NEK11: variants seen among roughly 807,000 people sequenced by gnomAD.
NEK11 encodes serine/threonine-protein kinase Nek11.
A neutral mutation model predicts 80.7 loss-of-function variants in NEK11; 72 were observed. That is an observed-to-expected ratio of 0.89 (90% CI 0.74 to 1.08). NEK11 has a LOEUF of 1.08. Among genes scored for constraint, NEK11 ranks in the 50% least tolerant of loss-of-function variants. NEK11 has a pLI of 0.00. For synonymous variants in NEK11, 251 were observed against 260.7 expected (o/e 0.96, Z 0.36); for missense variants, 764 against 763.6 (o/e 1.00, Z -0.01).
At chr3:131,029,591 C>G (rs1289689647) in intron 2 of NEK11, 22 bp from the exon 3 acceptor site, 3 of 1,009,250 alleles carry the variant, frequency 3.0e-6, no homozygotes, top group East Asian at 4.9e-5. Flanking sequence ...TAGACCTGAT[C>G]TTTTAACTTT....
At chr3:131,151,577 A>G (rs1429628302) in intron 7 of NEK11, among the ~76,000 whole-genome samples, 1 of 152,142 alleles carries the variant, frequency 6.6e-6, no homozygotes, top group Non-Finnish European at 1.5e-5. Context: ...TCAAGTGACT[A>G]ACATGAAAAG....
chr3:131,110,765 G>A (rs2079992115), intron 5 of NEK11, among the ~76,000 whole-genome samples: 1 of 152,080 alleles, frequency 6.6e-6, no homozygotes, highest in African/African-American at 2.4e-5. Context: ...TGGATGTCAG[G>A]TTGCTTAAAT....
chr3:131,316,825 C>T (rs1394012561), intron 17 of NEK11, among the ~76,000 whole-genome samples: 1 of 152,068 alleles, frequency 6.6e-6, no homozygotes, highest in Non-Finnish European at 1.5e-5. Flanking sequence ...TTGTACTTTC[C>T]TTGATTTGCA....
rs1032096499 is a variant in NEK11, at chr3:131,126,436, A to T, written c.456-6309A>T. ...CTCATCCTTTTATAATAGTTTAGCT[A>T]CTATTTCAGCTAAAAATGTATTATT... On this transcript the variant is annotated intron_variant, in intron 5 of 17. Coordinates refer to ENST00000383366, the MANE Select transcript of NEK11 (RefSeq NM_024800.5). 9.2e-5 allele frequency among the ~76,000 whole-genome samples: 14 copies of T among 152,322 alleles called. No individual in the cohort carries two copies. In the East Asian group the frequency reaches 2.3e-3, roughly 25 times the overall value.
At chr3:131,169,859 A>G (rs1348259598) in intron 13 of NEK11, among the ~76,000 whole-genome samples, 1 of 152,224 alleles carries the variant, frequency 6.6e-6, no homozygotes, top group Non-Finnish European at 1.5e-5. Context: ...GTAAAGACGT[A>G]TTTCATGTAC....
chr3:131,028,146 G>A (rs1431103174), intron 2 of NEK11, 144 bp downstream of exon 2: 1 of 152,130 alleles, frequency 6.6e-6, no homozygotes, highest in Non-Finnish European at 1.5e-5. Flanking sequence ...ACGTGTCTTT[G>A]GAAGGGAAAA....
intron 14 of NEK11, among the ~76,000 whole-genome samples, chr3:131,183,495 C>G (rs2093460479): frequency 6.6e-6 from 1 of 152,166 alleles, no homozygotes; most frequent in African/African-American, 2.4e-5. Context: ...TCCATGTGTT[C>G]TCATTGCTCA....
intron 17 of NEK11, among the ~76,000 whole-genome samples, chr3:131,343,423 A>C (rs1017345408): frequency 1.3e-5 from 2 of 152,188 alleles, no homozygotes; most frequent in Non-Finnish European, 2.9e-5. Context: ...GGCAGTTTGA[A>C]TACTGGGAAA....
At chr3:131,123,953 C>G (rs1183628271) in intron 5 of NEK11, among the ~76,000 whole-genome samples, 2 of 152,164 alleles carry the variant, frequency 1.3e-5, no homozygotes, top group Non-Finnish European at 1.5e-5. Flanking sequence ...AGCTGGTTAA[C>G]TTGGGTGGCT....
chr3:131,270,267 C>T (rs1226205758), intron 16 of NEK11, among the ~76,000 whole-genome samples: 2 of 152,188 alleles, frequency 1.3e-5, no homozygotes, highest in African/African-American at 4.8e-5. Context: ...TCATTTAGCA[C>T]TGGGCCCCAC....
intron 14 of NEK11, among the ~76,000 whole-genome samples, chr3:131,193,544 T>C (rs562222852): frequency 6.6e-6 from 1 of 152,230 alleles, no homozygotes; most frequent in African/African-American, 2.4e-5. Context: ...AATGAAGCAA[T>C]AGGAATCCAT....
At chr3:131,220,174 T>C (rs776533631) in intron 14 of NEK11, among the ~76,000 whole-genome samples, 9 of 152,196 alleles carry the variant, frequency 5.9e-5, no homozygotes, top group Non-Finnish European at 1.3e-4. Flanking sequence ...AAAATGGAGC[T>C]TCTGGGGGAA....
intron 11 of NEK11, among the ~76,000 whole-genome samples, chr3:131,163,589 G>C (rs995707207): frequency 6.6e-6 from 1 of 152,084 alleles, no homozygotes; most frequent in African/African-American, 2.4e-5. Context: ...GGGCAGGGGG[G>C]CATGAATGGG....
In NEK11 at chr3:131,273,511, T is replaced by C; in HGVS notation, c.1655T>C (p.Met552Thr). 2 of 1,614,012 alleles carry C rather than the reference T, an allele frequency of 1.2e-6. No homozygotes were observed. The highest frequency in any genetic ancestry group is 1.7e-6 in the Non-Finnish European group (2 of 1,179,910). ...TKTITTMAED[M>T]SPGPPIFNSV... is the part of the protein sequence containing the mutation. ...ACCATCACCACCATGGCTGAAGACA[T>C]GTCCCCAGGACCACCAATTTTCAAC... The change falls in exon 17 of 18, where the codon ATG (methionine) becomes ACG (threonine). Residue 552 changes from methionine (M) to threonine (T), a missense_variant. By Grantham distance (81) the Met-to-Thr change is moderately conservative. Transcript: ENST00000383366.
At chr3:131,283,139 G>A (rs180886431) in intron 17 of NEK11, among the ~76,000 whole-genome samples, 12 of 152,322 alleles carry the variant, frequency 7.9e-5, no homozygotes, top group African/African-American at 2.6e-4. Context: ...AAATAGAAGT[G>A]TAGTTAATTC....
chr3:131,083,906 G>T (rs2075641901), intron 4 of NEK11, among the ~76,000 whole-genome samples: 1 of 152,134 alleles, frequency 6.6e-6, no homozygotes. Context: ...CCTCCATGTA[G>T]GAAGGAAATG....
chr3:131,177,920 A>G (rs943627113), intron 14 of NEK11, among the ~76,000 whole-genome samples: 3 of 152,224 alleles, frequency 2.0e-5, no homozygotes, highest in Admixed American at 2.0e-4. Flanking sequence ...AGCAAACATC[A>G]GAGAGTATAC....
At chr3:131,285,408 G>A (rs935612999) in intron 17 of NEK11, among the ~76,000 whole-genome samples, 5 of 152,180 alleles carry the variant, frequency 3.3e-5, no homozygotes, top group East Asian at 1.9e-4. Flanking sequence ...AGAGCCCTGC[G>A]TCTACCAGTC....
intron 14 of NEK11, chr3:131,175,226 C>A: frequency 1.8e-6 from 1 of 562,614 alleles, no homozygotes; most frequent in Non-Finnish European, 2.3e-6. Flanking sequence ...TGAAAGAAAA[C>A]CTTTACTCAC....
Sources: gnomAD v4.1 joint callset for allele counts (sites outside exome capture counted in the v4.1 genomes callset) on GRCh38, gnomAD v4.1.1 for gene constraint, MANE v1.5 for transcripts, NCBI Gene and HGNC (gene_info 2026-07-23, HGNC 2026-07-21) for gene names.